The following BICD2 variants were observed in gnomAD, a reference collection of about 807,000 sequenced individuals.
BICD2 encodes the protein protein bicaudal D homolog 2.
A neutral mutation model predicts 72.9 loss-of-function variants in BICD2; 25 were observed. The ratio of observed to expected loss-of-function variants is 0.34; its 90% CI spans 0.25 to 0.48. BICD2 has a LOEUF of 0.48. BICD2 is among the 20% of genes least tolerant of loss of function. The pLI, the probability that BICD2 is intolerant of heterozygous loss-of-function variation, is 0.99. For synonymous variants in BICD2, 501 were observed against 516.1 expected (o/e 0.97, Z 0.40); for missense variants, 894 against 1,175.2 (o/e 0.76, Z 3.50).
intron 2 of BICD2, among the ~76,000 whole-genome samples, chr9:92,726,050 G>A (rs1344814718): frequency 6.6e-6 from 1 of 152,228 alleles, no homozygotes; most frequent in African/African-American, 2.4e-5. Flanking sequence ...TCACTAGCAG[G>A]AGAGAAGCTG....
At position 92,713,687 on chromosome 9, in the gene BICD2, T is replaced by G. The variant is rs925584968; in HGVS notation, c.*1467A>C. 7 of 1,410,224 alleles carry G rather than the reference T, an allele frequency of 5.0e-6. No homozygotes were observed. The highest frequency in any genetic ancestry group is 6.5e-6 in the Non-Finnish European group (7 of 1,078,834). The allele number at this position is 1,410,224 out of a possible 1,614,324, so 87.4% of individuals were successfully genotyped here. On this transcript the variant is annotated 3_prime_UTR_variant, in exon 7 of 7. Transcript: ENST00000356884. ...GCTTGCAAGGAGAGGGCAAAGCGCA[T>G]GCAGGGTGGGCATGCCAGCAGCCAT...
intron 6 of BICD2, among the ~76,000 whole-genome samples, chr9:92,715,985 T>C (rs1853304539): frequency 6.6e-6 from 1 of 152,144 alleles, no homozygotes; most frequent in Non-Finnish European, 1.5e-5. Flanking sequence ...GAACCACGTG[T>C]GTGGACGCCA....
Position 92,714,848 on chromosome 9 carries a change from C to T in BICD2, c.*306G>A, listed in dbSNP as rs761055007. ...CCTCCCTTGGGTTTCCCCACGGGTG[C>T]GCAGGGCTTAGAAGATGCTTTCATC... On this transcript the variant is annotated 3_prime_UTR_variant, in exon 7 of 7. Coordinates refer to ENST00000356884, the MANE Select transcript of BICD2 (RefSeq NM_001003800.2). The T allele has an allele frequency of 3.4e-5, 38 of 1,129,554 alleles. No homozygotes were observed. Among genetic ancestry groups the T allele is most frequent in the East Asian group, 1.0e-4 (2 of 19,154 alleles). The allele number at this position is 1,129,554 out of a possible 1,614,324, so 70.0% of individuals were successfully genotyped here. A position where few individuals can be genotyped will look rare whatever the true frequency, so the allele number is the denominator to read the frequency against.
chr9:92,728,678 G>T (rs1172969857), intron 2 of BICD2, among the ~76,000 whole-genome samples: 1 of 152,234 alleles, frequency 6.6e-6, no homozygotes, highest in African/African-American at 2.4e-5. Flanking sequence ...CCAATGACGA[G>T]GAGTGCCCCA....
At chr9:92,729,617 G>A (rs10821011) in intron 1 of BICD2, among the ~76,000 whole-genome samples, 28,949 of 152,204 alleles carry the variant, frequency 0.19, 3,873 homozygotes, top group East Asian at 0.72. Context: ...CAGATGGCAC[G>A]CCGGCCACCA....
At position 92,739,222 on chromosome 9, in the gene BICD2, G is replaced by A. The variant is rs140555303; in HGVS notation, c.241-9986C>T. On this transcript the variant is annotated intron_variant, in intron 1 of 6. Transcript: ENST00000356884. ...ACCCAGGCTTGTTGAAAAATCCCAG[G>A]GACTGGCTTTACCATCCCCTCAATG... 2.1e-3 allele frequency among the ~76,000 whole-genome samples: 318 copies of A among 152,270 alleles called. 2 individuals carry two copies. The highest frequency in any genetic ancestry group is 7.2e-3 in the African/African-American group (298 of 41,550).
intron 3 of BICD2, among the ~76,000 whole-genome samples, chr9:92,722,349 A>C (rs1351368628): frequency 6.6e-6 from 1 of 152,172 alleles, no homozygotes; most frequent in East Asian, 1.9e-4. Flanking sequence ...GGGGAGTCTC[A>C]AAGTCCAATC....
rs1017104863 is a variant in BICD2, at chr9:92,711,549, A to T, written c.*3605T>A. The T allele has an allele frequency of 1.3e-5, 2 of 152,602 alleles. No homozygotes were observed. The highest frequency in any genetic ancestry group is 4.8e-5 in the African/African-American group (2 of 41,434). 9.5% of individuals were successfully genotyped at this position (152,602 alleles called of 1,614,324 possible). A position where few individuals can be genotyped will look rare whatever the true frequency, so the allele number is the denominator to read the frequency against. ...CCTCATTTTCTCAGAAATTGAAGGCATTTGATTATTATTTTTTTGTTTGGG... is the reference window on the plus strand; with the variant it reads ...CCTCATTTTCTCAGAAATTGAAGGCTTTTGATTATTATTTTTTTGTTTGGG... On this transcript the variant is annotated 3_prime_UTR_variant, in exon 7 of 7. Coordinates refer to ENST00000356884, the MANE Select transcript of BICD2 (RefSeq NM_001003800.2).
rs56213809 is a variant in BICD2 at position 92,715,585 on chromosome 9, C to T, written c.2259-122G>A. On this transcript the variant is annotated intron_variant, in intron 6 of 6. Coordinates refer to ENST00000356884, the MANE Select transcript of BICD2 (RefSeq NM_001003800.2). Reference sequence around the variant, plus strand: ...ATACCAGAGCCATCCTTCAATGTGGCCTCTGGACTGGAGGGTGTGGCTGGG... The same window carrying T: ...ATACCAGAGCCATCCTTCAATGTGGTCTCTGGACTGGAGGGTGTGGCTGGG... 2.9e-3 allele frequency: 2,822 copies of T among 974,932 alleles called. 5 individuals are homozygous for T. Among genetic ancestry groups the T allele is most frequent in the Middle Eastern group, 5.3e-3 (23 of 4,364 alleles). The allele number at this position is 974,932 out of a possible 1,614,324, so 60.4% of individuals were successfully genotyped here.
chr9:92,726,091 T>C (rs1482371898), intron 2 of BICD2, among the ~76,000 whole-genome samples: 1 of 152,002 alleles, frequency 6.6e-6, no homozygotes, highest in Non-Finnish European at 1.5e-5. Flanking sequence ...GGCCCACACA[T>C]ACACAGCGGT....
At chr9:92,742,012 CA>C (rs1853906037) in intron 1 of BICD2, among the ~76,000 whole-genome samples, 1 of 152,052 alleles carries the variant, frequency 6.6e-6, no homozygotes, top group Non-Finnish European at 1.5e-5. Context: ...TAACTAGAAA[CA>C]TAAGATTTAT....
intron 1 of BICD2, among the ~76,000 whole-genome samples, chr9:92,743,991 G>A (rs910804136): frequency 1.3e-5 from 2 of 152,164 alleles, no homozygotes; most frequent in African/African-American, 2.4e-5. Context: ...TCAAGTGCCC[G>A]TGGTGAGGAT....
chr9:92,715,177 T>C lies in BICD2; in HGVS notation c.2545A>G (p.Lys849Glu). 1 of 1,601,732 alleles carries C rather than the reference T, an allele frequency of 6.2e-7. No individual in the cohort carries two copies. The highest frequency in any genetic ancestry group is 8.5e-7 in the Non-Finnish European group (1 of 1,171,936). Residue 849 changes from lysine (K) to glutamate (E), a missense_variant, in exon 7 of 7, where the codon AAG becomes GAG. Coordinates refer to ENST00000356884, the MANE Select transcript of BICD2 (RefSeq NM_001003800.2). ...CCCTAATCACAGTAAATGCTGTGCT[T>C]CTCGCTGCAGAACACCTGGTTGGCC... ...GLANQVFCSE[K>E]HSIYCD
intron 1 of BICD2, among the ~76,000 whole-genome samples, chr9:92,739,691 G>A (rs1216810611): frequency 6.6e-6 from 1 of 152,180 alleles, no homozygotes; most frequent in African/African-American, 2.4e-5. Context: ...CAATCATGCG[G>A]TCAGTAAACA....
intron 2 of BICD2, 63 bp downstream of exon 2, chr9:92,728,961 C>A (rs1038915137): frequency 6.4e-6 from 10 of 1,562,228 alleles, no homozygotes; most frequent in Non-Finnish European, 7.8e-6. Context: ...ACCAGGCACA[C>A]CTGCTATGTG....
rs566505973 is a variant in BICD2, at chr9:92,715,217, G to A, written c.2505C>T (p.Ala835=). The A allele has an allele frequency of 8.1e-6, 13 of 1,612,916 alleles. No homozygotes were observed. The highest frequency in any genetic ancestry group is 3.3e-5 in the South Asian group (3 of 91,022). Residue 835 remains alanine (A), a synonymous_variant, in exon 7 of 7, where the codon GCC becomes GCT. Coordinates refer to ENST00000356884, the MANE Select transcript of BICD2 (RefSeq NM_001003800.2). The stretch of plus-strand genomic sequence containing the variant: ...CCTGGTTGGCCAGCCCGGTGCCCTC[G>A]GCCCTGTCGCTGGCACAGGCACAGG... ...SHTCACASDR[A]EGTGLANQVF... is the part of the protein sequence containing the mutation.
At chr9:92,749,080 G>A (rs567868083) in intron 1 of BICD2, among the ~76,000 whole-genome samples, 13 of 152,204 alleles carry the variant, frequency 8.5e-5, no homozygotes, top group African/African-American at 2.6e-4. Flanking sequence ...GGAGGAGGGA[G>A]GAGGCCCAGG....
chr9:92,757,998 G>C (rs1260879515), intron 1 of BICD2, among the ~76,000 whole-genome samples: 2 of 151,952 alleles, frequency 1.3e-5, no homozygotes, highest in African/African-American at 4.8e-5. Flanking sequence ...GAGGTCAACA[G>C]TTTGAGACCA....
chr9:92,751,737 T>C (rs552297133), intron 1 of BICD2, among the ~76,000 whole-genome samples: 4 of 152,248 alleles, frequency 2.6e-5, no homozygotes, highest in African/African-American at 9.6e-5. Flanking sequence ...GAACTCATGG[T>C]TAACTAAATA....
Sources: allele counts gnomAD v4.1 joint callset (sites outside exome capture counted in the v4.1 genomes callset), GRCh38; gene constraint gnomAD v4.1.1; transcripts MANE v1.5; gene names NCBI Gene and HGNC (gene_info 2026-07-23, HGNC 2026-07-21).